COG4: variants seen among roughly 807,000 people sequenced by gnomAD.
COG4 encodes component of oligomeric golgi complex 4.
In COG4, 65 loss-of-function variants were observed where a neutral mutation model predicts 95.1. The observed-to-expected ratio is 0.68, with a 90% CI of 0.56 to 0.84. The LOEUF (loss-of-function observed/expected upper bound fraction) is 0.84, where lower values mean the gene tolerates loss of function less well. COG4 is among the 40% of genes least tolerant of loss of function. COG4 has a pLI of 0.00. For missense variants in COG4, 1,045 were observed against 989.1 expected (o/e 1.06, Z -0.76); for synonymous variants, 421 against 374.8 (o/e 1.12, Z -1.42).
intron 8 of COG4, among the ~76,000 whole-genome samples, chr16:70,504,168 A>G (rs565498558): frequency 6.6e-6 from 1 of 151,996 alleles, no homozygotes; most frequent in East Asian, 1.9e-4. Flanking sequence ...TAAATCAGTG[A>G]TTTTCTACTG....
intron 2 of COG4, among the ~76,000 whole-genome samples, chr16:70,518,379 G>A (rs1284119052): frequency 6.6e-6 from 1 of 152,062 alleles, no homozygotes; most frequent in Non-Finnish European, 1.5e-5. Context: ...TTTTGTTTGA[G>A]ACAGGTTCTC....
At chr16:70,481,623 G>C in intron 17 of COG4, 136 bp from the exon 18 acceptor site, 2 of 1,437,344 alleles carry the variant, frequency 1.4e-6, no homozygotes, top group Non-Finnish European at 9.7e-7. Flanking sequence ...TACGGCTTCA[G>C]AAGCCAGAGC....
chr16:70,520,657 T>C (rs1015902649), intron 1 of COG4, among the ~76,000 whole-genome samples: 1 of 150,040 alleles, frequency 6.7e-6, no homozygotes, highest in Non-Finnish European at 1.5e-5. Flanking sequence ...GAAAATACAA[T>C]GCCTAAACAA....
intron 8 of COG4, among the ~76,000 whole-genome samples, chr16:70,503,693 C>G (rs1310070928): frequency 7.1e-6 from 1 of 139,990 alleles, no homozygotes; most frequent in East Asian, 1.9e-4. Context: ...CTCTTGGGTT[C>G]ATGCCATTCT....
chr16:70,484,114 G>C, intron 13 of COG4, 145 bp from the exon 14 acceptor site: 1 of 702,290 alleles, frequency 1.4e-6, no homozygotes, highest in Non-Finnish European at 2.6e-6. Context: ...CTATCCTGGT[G>C]GTTATCCACT....
intron 12 of COG4, among the ~76,000 whole-genome samples, chr16:70,491,205 T>C (rs897329382): frequency 1.3e-5 from 2 of 151,938 alleles, no homozygotes; most frequent in Non-Finnish European, 2.9e-5. Flanking sequence ...CGGGAGGAAA[T>C]GAGACTCCTC....
rs116845150 is a variant in COG4 at position 70,504,242 on chromosome 16, C to T, written c.1062-3151G>A. Among the ~76,000 whole-genome samples, 193 of 152,240 alleles carry T rather than the reference C, an allele frequency of 1.3e-3. 1 individual carries two copies. The highest frequency in any genetic ancestry group is 2.5e-3 in the South Asian group (12 of 4,830). On this transcript the variant is annotated intron_variant, in intron 8 of 18. Coordinates refer to ENST00000323786, the MANE Select transcript of COG4 (RefSeq NM_015386.3). ...ATACCCCCCTGGGGTATTTTAGCATCTAGTGGATAGAGGCCAGGGATGCTG... is the reference window on the plus strand; with the variant it reads ...ATACCCCCCTGGGGTATTTTAGCATTTAGTGGATAGAGGCCAGGGATGCTG...
intron 1 of COG4, among the ~76,000 whole-genome samples, chr16:70,520,838 C>T (rs1229613518): frequency 6.6e-6 from 1 of 152,092 alleles, no homozygotes; most frequent in East Asian, 1.9e-4. Context: ...GTTTTTTCAT[C>T]TGTAAAACTA....
intron 9 of COG4, among the ~76,000 whole-genome samples, chr16:70,500,048 T>C (rs1171005921): frequency 1.3e-5 from 2 of 151,978 alleles, no homozygotes; most frequent in Non-Finnish European, 2.9e-5. Context: ...TTGACCAGGC[T>C]GGTCTCAAAC....
At chr16:70,506,622 A>AAAAC (rs2049580285) in intron 8 of COG4, among the ~76,000 whole-genome samples, 1 of 127,630 alleles carries the variant, frequency 7.8e-6, no homozygotes, top group Non-Finnish European at 1.6e-5. Context: ...AAAAAACAAA[A>AAAAC]AAAAAAACAT....
At chr16:70,496,498 T>G in intron 11 of COG4, 67 bp from the exon 12 acceptor site, 1 of 1,487,932 alleles carries the variant, frequency 6.7e-7, no homozygotes, top group Admixed American at 1.7e-5. Context: ...GAAGGGCCAG[T>G]CTTCACCACT....
chr16:70,506,498 A>C (rs996285049), intron 8 of COG4, among the ~76,000 whole-genome samples: 1 of 146,976 alleles, frequency 6.8e-6, no homozygotes, highest in African/African-American at 2.5e-5. Flanking sequence ...AGGCTGAGGC[A>C]GGAGAATCGC....
At chr16:70,504,142 G>C (rs930734569) in intron 8 of COG4, among the ~76,000 whole-genome samples, 9 of 152,122 alleles carry the variant, frequency 5.9e-5, no homozygotes, top group Non-Finnish European at 1.0e-4. Flanking sequence ...TCTTCCTCTG[G>C]AAAGTGTTTA....
intron 4 of COG4, among the ~76,000 whole-genome samples, chr16:70,513,175 T>C (rs962244985): frequency 2.0e-5 from 3 of 152,188 alleles, no homozygotes; most frequent in African/African-American, 4.8e-5. Context: ...GTATTCCAAG[T>C]AGCATATTCC....
intron 13 of COG4, among the ~76,000 whole-genome samples, chr16:70,489,080 C>A (rs1013966104): frequency 6.6e-6 from 1 of 152,166 alleles, no homozygotes; most frequent in Non-Finnish European, 1.5e-5. Flanking sequence ...GGCTTCAAAG[C>A]CCAAGCAATT....
At chr16:70,500,356 T>C (rs1443172870) in intron 9 of COG4, among the ~76,000 whole-genome samples, 3 of 143,710 alleles carry the variant, frequency 2.1e-5, no homozygotes, top group South Asian at 2.2e-4. Context: ...TTCCTGTACA[T>C]TATATACTCT....
chr16:70,487,395 G>A (rs1019897927), intron 13 of COG4, among the ~76,000 whole-genome samples: 3 of 151,618 alleles, frequency 2.0e-5, no homozygotes, highest in African/African-American at 7.3e-5. Context: ...CCAGGAGTTC[G>A]AGACCAGCCT....
intron 13 of COG4, among the ~76,000 whole-genome samples, chr16:70,484,233 G>C (rs1361779292): frequency 6.6e-6 from 1 of 152,142 alleles, no homozygotes; most frequent in Non-Finnish European, 1.5e-5. Context: ...ACATTCCTAG[G>C]TTCAAGTCCT....
intron 3 of COG4, chr16:70,515,988 T>A (rs2049814571): frequency 2.2e-6 from 1 of 455,922 alleles, no homozygotes. Context: ...TTTTCACAGA[T>A]GCTCTTTATC....
Sources: allele counts gnomAD v4.1 joint callset (sites outside exome capture counted in the v4.1 genomes callset), GRCh38; gene constraint gnomAD v4.1.1; transcripts MANE v1.5; gene names NCBI Gene and HGNC (gene_info 2026-07-23, HGNC 2026-07-21).